The following WWC2 variants were observed in gnomAD, a reference collection of about 807,000 sequenced individuals.
WWC2 encodes WW and C2 domain containing 2.
Under a neutral mutation model 138.5 loss-of-function variants are expected in WWC2, and 101 were observed. The ratio of observed to expected loss-of-function variants is 0.73; its 90% confidence interval spans 0.62 to 0.86. WWC2 has a LOEUF of 0.86. Among genes scored for constraint, WWC2 ranks in the 40% least tolerant of loss-of-function variants. WWC2 has a pLI of 0.00. For synonymous variants in WWC2, 558 were observed against 538.4 expected (o/e 1.04, Z -0.50); for missense variants, 1,420 against 1,419.4 (o/e 1.00, Z -0.01).
At chr4:183,135,688 T>C (rs1342402838) in intron 1 of WWC2, among the ~76,000 whole-genome samples, 1 of 152,184 alleles carries the variant, frequency 6.6e-6, no homozygotes, top group Non-Finnish European at 1.5e-5. Flanking sequence ...AACTCAAACC[T>C]ACCAGCTGGG....
intron 1 of WWC2, among the ~76,000 whole-genome samples, chr4:183,162,512 G>A (rs879576364): frequency 2.0e-5 from 3 of 152,030 alleles, no homozygotes; most frequent in Non-Finnish European, 4.4e-5. Context: ...CATCACCATC[G>A]TTTTATTGTC....
intron 21 of WWC2, among the ~76,000 whole-genome samples, chr4:183,291,300 C>G (rs991658056): frequency 1.3e-5 from 2 of 152,116 alleles, no homozygotes; most frequent in African/African-American, 4.8e-5. Context: ...TAGTAAAGGT[C>G]CAGATGGGCT....
chr4:183,285,531 A>G (rs558292194), intron 19 of WWC2, among the ~76,000 whole-genome samples: 24 of 152,324 alleles, frequency 1.6e-4, no homozygotes, highest in Admixed American at 1.6e-3. Flanking sequence ...GAGCCCGAGG[A>G]GAGCGAAACA....
chr4:183,099,302 A>G lies in WWC2; in HGVS notation c.-190A>G. 5.0e-6 allele frequency: 2 copies of G among 396,170 alleles called. No individual in the cohort carries two copies. The highest frequency in any genetic ancestry group is 2.1e-5 in the African/African-American group (1 of 46,590). 24.5% of individuals were successfully genotyped at this position (396,170 alleles called of 1,614,324 possible). ...ACGCAGACATGGTGGACTGATCCGC[A>G]GCGGGGCCGCGAACAGCGTTTCCTG... On this transcript the variant is annotated 5_prime_UTR_variant, in exon 1 of 23. Transcript: ENST00000403733.
chr4:183,317,347 A>T lies in WWC2; in HGVS notation c.*1618A>T, dbSNP rs1739473389. 6.6e-6 allele frequency: 1 copy of T among 152,438 alleles called. No individual in the cohort carries two copies. Among genetic ancestry groups the T allele is most frequent in the Non-Finnish European group, 1.5e-5 (1 of 68,030 alleles). The allele number at this position is 152,438 out of a possible 1,614,324, so 9.4% of individuals were successfully genotyped here. ...TAATTACTTTTTCCTAAATGTCCCA[A>T]CACTTACATACAAATTTCTTTGAAG... On this transcript the variant is annotated 3_prime_UTR_variant, in exon 23 of 23. Transcript: ENST00000403733.
At chr4:183,268,861 G>C in intron 14 of WWC2, 110 bp from the exon 15 acceptor site, 1 of 1,174,454 alleles carries the variant, frequency 8.5e-7, no homozygotes, top group Admixed American at 2.1e-5. Context: ...GATTGATCTT[G>C]AACTCCACGA....
chr4:183,144,355 A>G (rs1418235112), intron 1 of WWC2, among the ~76,000 whole-genome samples: 3 of 152,196 alleles, frequency 2.0e-5, no homozygotes, highest in Non-Finnish European at 4.4e-5. Context: ...ACCATTTGAC[A>G]TGAATAAATA....
At chr4:183,133,019 T>C (rs1346499582) in intron 1 of WWC2, among the ~76,000 whole-genome samples, 1 of 140,886 alleles carries the variant, frequency 7.1e-6, no homozygotes, top group African/African-American at 2.9e-5. Context: ...TCTTTTTCCC[T>C]TCCCTTTTTT....
At chr4:183,268,867 C>T (rs1243639079) in intron 14 of WWC2, 104 bp from the exon 15 acceptor site, 1 of 1,228,038 alleles carries the variant, frequency 8.1e-7, no homozygotes, top group Non-Finnish European at 1.1e-6. Context: ...TCTTGAACTC[C>T]ACGATCCCTC....
intron 21 of WWC2, among the ~76,000 whole-genome samples, chr4:183,305,586 GC>G (rs772928620): frequency 5.9e-4 from 89 of 152,114 alleles, no homozygotes; most frequent in Admixed American, 1.8e-3. Flanking sequence ...AATCATACAA[GC>G]AAGAAGAGAG....
chr4:183,164,876 A>G (rs904744622), intron 1 of WWC2, among the ~76,000 whole-genome samples: 2 of 152,206 alleles, frequency 1.3e-5, no homozygotes, highest in African/African-American at 4.8e-5. Flanking sequence ...AGGATTTTTA[A>G]TGACCAATGG....
intron 1 of WWC2, among the ~76,000 whole-genome samples, chr4:183,126,053 A>C (rs1270986021): frequency 6.6e-6 from 1 of 152,228 alleles, no homozygotes; most frequent in Non-Finnish European, 1.5e-5. Context: ...AGTGCCCCTT[A>C]AATGTTGTGC....
At chr4:183,240,681 GTCTCTC>G (rs150453410) in intron 5 of WWC2, 1 of 151,108 alleles carries the variant, frequency 6.6e-6, no homozygotes, top group East Asian at 1.9e-4. Flanking sequence ...AGGCGTGTCT[GTCTCTC>G]TCTCTCTCTC....
chr4:183,099,334 C>A lies in WWC2; in HGVS notation c.-158C>A. On this transcript the variant is annotated 5_prime_UTR_variant, in exon 1 of 23. Coordinates refer to ENST00000403733, the MANE Select transcript of WWC2 (RefSeq NM_024949.6). The stretch of plus-strand genomic sequence containing the variant: ...CCGCGAACAGCGTTTCCTGAGGCAC[C>A]TCCCGCGCGTGGTTCCGCCGCGCCC... 1 of 664,716 alleles carries A rather than the reference C, an allele frequency of 1.5e-6. No individual in the cohort carries two copies. Among genetic ancestry groups the A allele is most frequent in the Non-Finnish European group, 2.0e-6 (1 of 501,574 alleles). The allele number at this position is 664,716 out of a possible 1,614,324, so 41.2% of individuals were successfully genotyped here. A position where few individuals can be genotyped will look rare whatever the true frequency, so the allele number is the denominator to read the frequency against.
intron 1 of WWC2, among the ~76,000 whole-genome samples, chr4:183,186,473 G>A (rs1734803769): frequency 6.6e-6 from 1 of 152,166 alleles, no homozygotes; most frequent in Admixed American, 6.5e-5. Context: ...TAGGATGAGG[G>A]AATGGTTAGG....
rs1738367557 is a variant in WWC2 at position 183,289,505 on chromosome 4, A to G, written c.3254A>G (p.Asp1085Gly). The G allele has an allele frequency of 6.2e-7, 1 of 1,613,810 alleles. No individual in the cohort carries two copies. Among genetic ancestry groups the G allele is most frequent in the South Asian group, 1.1e-5 (1 of 91,072 alleles). Residue 1085 changes from aspartate (D) to glycine (G), a missense_variant, in exon 21 of 23, where the codon GAT becomes GGT. Coordinates refer to ENST00000403733, the MANE Select transcript of WWC2 (RefSeq NM_024949.6). ...ASLTRQSRLN[D>G]ELQALRDLRQ... ...CTGACCCGGCAGAGCCGCCTCAATGATGAGCTGCAGGCGCTGAGGGACTTG... is the reference window on the plus strand; with the variant it reads ...CTGACCCGGCAGAGCCGCCTCAATGGTGAGCTGCAGGCGCTGAGGGACTTG...
intron 1 of WWC2, among the ~76,000 whole-genome samples, chr4:183,148,973 G>A (rs921595429): frequency 1.8e-4 from 27 of 151,780 alleles, no homozygotes; most frequent in Non-Finnish European, 3.4e-4. Flanking sequence ...TAGTAGGGAA[G>A]GGCCTTATTT....
intron 2 of WWC2, among the ~76,000 whole-genome samples, chr4:183,202,001 C>T (rs1735312783): frequency 6.6e-6 from 1 of 152,054 alleles, no homozygotes; most frequent in African/African-American, 2.4e-5. Flanking sequence ...AGTGGGGAAG[C>T]GCTTGGGTTG....
intron 4 of WWC2, among the ~76,000 whole-genome samples, chr4:183,226,182 A>T (rs1473034079): frequency 6.9e-6 from 1 of 144,818 alleles, no homozygotes; most frequent in Non-Finnish European, 1.5e-5. Context: ...CTGCAGCCTC[A>T]GCCTCCCAGA....
Sources: allele counts gnomAD v4.1 joint callset (sites outside exome capture counted in the v4.1 genomes callset), GRCh38; gene constraint gnomAD v4.1.1; transcripts MANE v1.5; gene names NCBI Gene and HGNC (gene_info 2026-07-23, HGNC 2026-07-21).